SLC24A2: variants seen among roughly 807,000 people sequenced by gnomAD.
The protein encoded by SLC24A2 is sodium/potassium/calcium exchanger 2.
Under a neutral mutation model 62.0 loss-of-function variants are expected in SLC24A2, and 36 were observed. The ratio of observed to expected loss-of-function variants is 0.58; its 90% confidence interval spans 0.44 to 0.77. The LOEUF (loss-of-function observed/expected upper bound fraction) is 0.77. Ranked by LOEUF, SLC24A2 falls within the 30% of genes least tolerant of loss-of-function variation. The pLI is 0.00. For missense variants in SLC24A2, 846 were observed against 817.9 expected, an observed-to-expected ratio of 1.03 and a Z score of -0.42; for synonymous variants, 358 against 294.0, an observed-to-expected ratio of 1.22 and a Z score of -2.23.
the SLC24A2 span, among the ~76,000 whole-genome samples, chr9:19,893,588 T>G: frequency 6.6e-6 from 1 of 152,228 alleles, no homozygotes; most frequent in Admixed American, 6.5e-5. Flanking sequence ...GTATTTATTC[T>G]TATAATTCAG....
chr9:19,881,430 T>G, the SLC24A2 span, among the ~76,000 whole-genome samples: 15,574 of 152,156 alleles, frequency 0.1, 1,338 homozygotes, highest in African/African-American at 0.25. Context: ...CATAGAGATT[T>G]TAGGGGACCT....
chr9:19,565,783 C>G (rs1266116029), intron 7 of SLC24A2, among the ~76,000 whole-genome samples: 1 of 152,084 alleles, frequency 6.6e-6, no homozygotes, highest in African/African-American at 2.4e-5. Context: ...ACCAATGGAA[C>G]AGAACAGAGC....
rs570612120 is a variant in SLC24A2 at position 19,557,041 on chromosome 9, C to T, written c.1348-6773G>A. Among the ~76,000 whole-genome samples the T allele has an allele frequency of 1.1e-4, 17 of 152,258 alleles. No homozygotes were observed. In the South Asian group the frequency reaches 3.5e-3, roughly 32 times the overall value. On this transcript the variant is annotated intron_variant, in intron 7 of 10. Transcript: ENST00000341998. Reference sequence around the variant, plus strand: ...GTAAGGTCCTGTCCTTGAGACCAGCCCCCTCATTTGATGGGTAGGGAACCT... The same window carrying T: ...GTAAGGTCCTGTCCTTGAGACCAGCTCCCTCATTTGATGGGTAGGGAACCT...
At chr9:20,060,379 A>T in the SLC24A2 span, among the ~76,000 whole-genome samples, 1 of 151,950 alleles carries the variant, frequency 6.6e-6, no homozygotes, top group South Asian at 2.1e-4. Flanking sequence ...TATTCCTCAT[A>T]AACATAGATG....
At chr9:20,166,451 A>C in the SLC24A2 span, among the ~76,000 whole-genome samples, 1 of 151,998 alleles carries the variant, frequency 6.6e-6, no homozygotes, top group Non-Finnish European at 1.5e-5. Flanking sequence ...TATATCAACA[A>C]CATCTATTAT....
chr9:20,224,942 A>T, the SLC24A2 span, among the ~76,000 whole-genome samples: 1,723 of 152,196 alleles, frequency 0.011, 44 homozygotes, highest in African/African-American at 0.04. Context: ...GACCCCACCA[A>T]GCAGCCAATG....
At chr9:19,574,964 T>G (rs1835963889) in intron 6 of SLC24A2, among the ~76,000 whole-genome samples, 1 of 151,490 alleles carries the variant, frequency 6.6e-6, no homozygotes, top group African/African-American at 2.4e-5. Context: ...AAGAATGTGC[T>G]TTTTTTTTCC....
chr9:19,904,533 T>C, the SLC24A2 span, among the ~76,000 whole-genome samples: 1 of 152,204 alleles, frequency 6.6e-6, no homozygotes, highest in Middle Eastern at 3.2e-3. Flanking sequence ...CTAAATTTTC[T>C]TTGCCCATTT....
At chr9:19,613,783 G>C (rs138480832) in intron 4 of SLC24A2, among the ~76,000 whole-genome samples, 1 of 152,262 alleles carries the variant, frequency 6.6e-6, no homozygotes, top group African/African-American at 2.4e-5. Flanking sequence ...GGTTACACAA[G>C]GAGGCAGAGT....
At chr9:19,534,072 C>T (rs560208536) in intron 8 of SLC24A2, among the ~76,000 whole-genome samples, 1 of 152,242 alleles carries the variant, frequency 6.6e-6, no homozygotes, top group Admixed American at 6.5e-5. Context: ...GCAGGGAATC[C>T]AGAAACCTTC....
chr9:19,522,832 A>T (rs1833264590), intron 9 of SLC24A2, among the ~76,000 whole-genome samples: 1 of 152,210 alleles, frequency 6.6e-6, no homozygotes. Flanking sequence ...AAAAAGTTCA[A>T]TAAGACTTTT....
chr9:20,095,102 A>G, the SLC24A2 span, among the ~76,000 whole-genome samples: 1 of 152,190 alleles, frequency 6.6e-6, no homozygotes, highest in East Asian at 1.9e-4. Context: ...TTCTAAGCCA[A>G]ACAATGAAGA....
chr9:20,240,823 TCAATGTGACCA>T, the SLC24A2 span, among the ~76,000 whole-genome samples: 1 of 152,114 alleles, frequency 6.6e-6, no homozygotes, highest in East Asian at 1.9e-4. Flanking sequence ...CATCGATTGA[TCAATGTGACCA>T]TAATACTTTC....
chr9:20,003,504 T>A, the SLC24A2 span, among the ~76,000 whole-genome samples: 2 of 152,236 alleles, frequency 1.3e-5, no homozygotes, highest in Non-Finnish European at 2.9e-5. Flanking sequence ...CCTTTTTTTT[T>A]AAAGTATGAA....
At chr9:20,176,723 G>T in the SLC24A2 span, among the ~76,000 whole-genome samples, 21 of 152,054 alleles carry the variant, frequency 1.4e-4, no homozygotes, top group Admixed American at 3.9e-4. Context: ...GCTTGTAAAC[G>T]TTGACTTTCA....
the SLC24A2 span, among the ~76,000 whole-genome samples, chr9:19,915,722 T>G: frequency 1.3e-5 from 2 of 152,062 alleles, no homozygotes; most frequent in African/African-American, 2.4e-5. Flanking sequence ...TATCAGCCAT[T>G]TGCATATCTT....
chr9:19,718,020 A>C (rs909645646), intron 2 of SLC24A2, among the ~76,000 whole-genome samples: 3 of 145,890 alleles, frequency 2.1e-5, no homozygotes, highest in Non-Finnish European at 4.5e-5. Context: ...TCTGTCGCCC[A>C]GGCTGGAGTG....
the SLC24A2 span, among the ~76,000 whole-genome samples, chr9:20,240,762 A>T: frequency 6.6e-6 from 1 of 152,160 alleles, no homozygotes; most frequent in African/African-American, 2.4e-5. Flanking sequence ...AAGGGGAGGA[A>T]AATTCCAGGA....
In SLC24A2 at chr9:19,513,174, ATG is replaced by A. The variant is rs61019700; in HGVS notation, c.*2977_*2978del. Reference sequence around the variant, plus strand: ...TAAAGATATATATATATATATATATATGTATATATATATATATGTATATATTT... The same window carrying A: ...TAAAGATATATATATATATATATATATATATATATATATATGTATATATTT... On this transcript the variant is annotated 3_prime_UTR_variant, in exon 11 of 11. Coordinates refer to ENST00000341998, the MANE Select transcript of SLC24A2 (RefSeq NM_020344.4). The A allele has an allele frequency of 0.011, 624 of 58,878 alleles. 3 individuals are homozygous for A. Among genetic ancestry groups the A allele is most frequent in the East Asian group, 0.017 (27 of 1,576 alleles). 3.6% of individuals were successfully genotyped at this position (58,878 alleles called of 1,614,324 possible).
Sources: gnomAD v4.1 joint callset for allele counts (sites outside exome capture counted in the v4.1 genomes callset) on GRCh38, gnomAD v4.1.1 for gene constraint, MANE v1.5 for transcripts, NCBI Gene and HGNC (gene_info 2026-07-23, HGNC 2026-07-21) for gene names.